NUP210L: variants seen among roughly 807,000 people sequenced by gnomAD.
NUP210L encodes the protein nuclear pore membrane glycoprotein 210-like.
In NUP210L, 74 loss-of-function variants were observed where a neutral mutation model predicts 208.5. The ratio of observed to expected loss-of-function variants is 0.35; its 90% CI spans 0.29 to 0.43. The LOEUF is 0.43. NUP210L is among the 20% of genes least tolerant of loss of function. The probability of loss-of-function intolerance (pLI) is 1.00; values close to 1 mark genes in which losing one functional copy is unlikely to be tolerated. For synonymous variants in NUP210L, 780 were observed against 816.9 expected (o/e 0.95, Z 0.77); for missense variants, 1,843 against 2,289.4 (o/e 0.81, Z 3.98).
chr1:154,010,401 T>C (rs897938095), intron 34 of NUP210L, among the ~76,000 whole-genome samples: 1 of 152,082 alleles, frequency 6.6e-6, no homozygotes, highest in Non-Finnish European at 1.5e-5. Flanking sequence ...TGAGATGAAG[T>C]CTTGCTCTGT....
At chr1:154,104,547 G>A in intron 12 of NUP210L, 1 of 207,950 alleles carries the variant, frequency 4.8e-6, no homozygotes, top group Non-Finnish European at 9.6e-6. Context: ...TACAGTGATT[G>A]TGGGACTTTG....
At chr1:154,058,874 G>T (rs1050567354) in intron 20 of NUP210L, among the ~76,000 whole-genome samples, 181 bp from the exon 21 acceptor site, 1 of 152,146 alleles carries the variant, frequency 6.6e-6, no homozygotes, top group African/African-American at 2.4e-5. Context: ...TGATGTTTCC[G>T]ATTATGGCAA....
chr1:154,038,896 A>G (rs1370637116), intron 27 of NUP210L, among the ~76,000 whole-genome samples: 2 of 152,186 alleles, frequency 1.3e-5, no homozygotes, highest in African/African-American at 4.8e-5. Context: ...GAAAACTAAT[A>G]AAAACTCTGC....
At chr1:154,085,328 C>T (rs977213470) in intron 16 of NUP210L, among the ~76,000 whole-genome samples, 18 of 149,294 alleles carry the variant, frequency 1.2e-4, no homozygotes, top group East Asian at 1.2e-3. Context: ...CCAGCCTCAG[C>T]GACAGAGCAA....
chr1:154,108,344 G>A (rs1187979078), intron 12 of NUP210L, among the ~76,000 whole-genome samples: 1 of 152,078 alleles, frequency 6.6e-6, no homozygotes, highest in African/African-American at 2.4e-5. Context: ...TTTTAGTAGA[G>A]ACAGGGTTTC....
intron 33 of NUP210L, among the ~76,000 whole-genome samples, chr1:154,018,470 C>T (rs11264873): frequency 0.27 from 41,658 of 152,024 alleles, 6,151 homozygotes; most frequent in Admixed American, 0.39. Context: ...TTTCAGTTGA[C>T]GGTAATGCTG....
intron 37 of NUP210L, among the ~76,000 whole-genome samples, chr1:153,998,520 C>T (rs1463490674): frequency 6.8e-6 from 1 of 147,454 alleles, no homozygotes; most frequent in South Asian, 2.1e-4. Flanking sequence ...TGCCACTGCA[C>T]TCCAGACTGG....
intron 8 of NUP210L, among the ~76,000 whole-genome samples, chr1:154,127,717 G>A (rs1321473119): frequency 6.6e-6 from 1 of 151,886 alleles, no homozygotes; most frequent in African/African-American, 2.4e-5. Flanking sequence ...TGCATGCTCA[G>A]CTAATTTTTG....
At chr1:154,086,036 AC>A (rs1211326514) in intron 16 of NUP210L, among the ~76,000 whole-genome samples, 1 of 151,896 alleles carries the variant, frequency 6.6e-6, no homozygotes, top group Non-Finnish European at 1.5e-5. Context: ...ATATGGTGAA[AC>A]CCTGTCTCTA....
At chr1:154,030,171 A>T in intron 27 of NUP210L, 117 bp from the exon 28 acceptor site, 36 of 581,634 alleles carry the variant, frequency 6.2e-5, no homozygotes, top group Admixed American at 8.0e-5. Flanking sequence ...AAGTCAGGAA[A>T]GGGTGGGAGG....
intron 10 of NUP210L, among the ~76,000 whole-genome samples, chr1:154,120,829 G>A (rs1657580725): frequency 6.7e-6 from 1 of 149,516 alleles, no homozygotes; most frequent in Non-Finnish European, 1.5e-5. Context: ...CCATGAGGCG[G>A]AGGTTGCAGT....
At chr1:154,142,301 A>G (rs536316785) in intron 3 of NUP210L, among the ~76,000 whole-genome samples, 10 of 152,098 alleles carry the variant, frequency 6.6e-5, no homozygotes, top group African/African-American at 2.4e-4. Flanking sequence ...GGATACTTCA[A>G]CCTCGGCCTC....
chr1:154,082,159 T>A (rs573724804), intron 16 of NUP210L, among the ~76,000 whole-genome samples: 4 of 152,282 alleles, frequency 2.6e-5, no homozygotes, highest in African/African-American at 9.6e-5. Context: ...ATTTGTATCC[T>A]TTATAACGAA....
At chr1:154,010,514 C>T (rs930034639) in intron 34 of NUP210L, among the ~76,000 whole-genome samples, 2 of 150,956 alleles carry the variant, frequency 1.3e-5, no homozygotes, top group African/African-American at 4.9e-5. Context: ...GTTGGGATTA[C>T]AGGTGTCTCC....
chr1:154,077,482 CA>C (rs1655098704), intron 16 of NUP210L, among the ~76,000 whole-genome samples: 1 of 151,814 alleles, frequency 6.6e-6, no homozygotes, highest in Admixed American at 6.6e-5. Context: ...TTCTAAGATC[CA>C]ACAAAAATGG....
At chr1:154,056,824 C>A in exon 23 of NUP210L, 1 of 1,579,134 alleles carries the variant, frequency 6.3e-7, no homozygotes, top group South Asian at 1.2e-5. Context: ...CTTCAATGTG[C>A]CGAGGAGTTG....
At chr1:154,148,903 G>A (rs1446018323) in intron 2 of NUP210L, among the ~76,000 whole-genome samples, 7 of 152,058 alleles carry the variant, frequency 4.6e-5, no homozygotes, top group African/African-American at 9.7e-5. Flanking sequence ...TAGGTAATCC[G>A]TAACTTGATA....
At chr1:154,117,521 C>T (rs1206231000) in intron 12 of NUP210L, among the ~76,000 whole-genome samples, 2 of 152,044 alleles carry the variant, frequency 1.3e-5, no homozygotes, top group Non-Finnish European at 2.9e-5. Context: ...GCAGAGGTTG[C>T]AGTGAGTGAG....
rs145694019 is a variant in NUP210L at position 154,141,449 on chromosome 1, T to C, written c.548A>G (p.Glu183Gly). ...AGTTTACCTAATTTTGCTAGACAGT[T>C]CTTCTCTTGCTGACTCGTTGTCCTG... is the stretch of plus-strand genomic sequence containing the variant. The change falls in exon 4 of 40, where the codon GAA becomes GGA. Residue 183 changes from glutamate (E) to glycine (G), a missense_variant. By Grantham distance (98) the Glu-to-Gly change is moderately conservative. This residue lies in a region of NUP210L where 542 missense variants were observed against 606.4 expected (regional missense o/e 0.89). Coordinates refer to ENST00000368559, the Ensembl canonical transcript of NUP210L. 7.4e-5 allele frequency: 119 copies of C among 1,607,526 alleles called. No homozygotes were observed. The East Asian group carries it at 2.3e-3, about 30-fold the overall frequency.
Sources: allele counts gnomAD v4.1 joint callset (sites outside exome capture counted in the v4.1 genomes callset), GRCh38; gene constraint gnomAD v4.1.1; regional missense constraint gnomAD v4.1.1; transcripts MANE v1.5; gene names NCBI Gene and HGNC (gene_info 2026-07-23, HGNC 2026-07-21).